The following INTS1 variants were observed in gnomAD, a reference collection of about 807,000 sequenced individuals.
The protein encoded by INTS1 is integrator complex subunit 1.
INTS1 carries 137 observed loss-of-function variants against 241.6 expected under a neutral mutation model. The observed-to-expected ratio is 0.57, with a 90% CI of 0.49 to 0.65. The LOEUF (loss-of-function observed/expected upper bound fraction) is 0.65. Among genes scored for constraint, INTS1 ranks in the 30% least tolerant of loss-of-function variants. The pLI is 0.00. For missense variants in INTS1, 3,073 were observed against 3,032.2 expected (o/e 1.01, Z -0.32); for synonymous variants, 1,692 against 1,337.8 (o/e 1.26, Z -5.78).
chr7:1,487,634 A>G, intron 19 of INTS1, 126 bp downstream of exon 19: 1 of 1,328,916 alleles, frequency 7.5e-7, no homozygotes, highest in South Asian at 1.3e-5. Context: ...ACGGGGCTCC[A>G]CAGGCCTTTC....
intron 16 of INTS1, among the ~76,000 whole-genome samples, chr7:1,490,159 G>A (rs1388643582): frequency 6.6e-6 from 1 of 152,250 alleles, no homozygotes; most frequent in Non-Finnish European, 1.5e-5. Context: ...ACACCAGAAA[G>A]CAGAGCGGGC....
At position 1,504,007 on chromosome 7, in the gene INTS1, GA is replaced by G; in HGVS notation, c.-41-7del. 1 of 1,419,950 alleles carries G rather than the reference GA, an allele frequency of 7.0e-7. No homozygotes were observed. The highest frequency in any genetic ancestry group is 9.6e-7 in the Non-Finnish European group (1 of 1,039,492). 88.0% of individuals were successfully genotyped at this position (1,419,950 alleles called of 1,614,324 possible). A position where few individuals can be genotyped will look rare whatever the true frequency, so the allele number is the denominator to read the frequency against. On this transcript the variant is annotated splice_polypyrimidine_tract_variant and splice_region_variant and intron_variant, in intron 1 of 47. Coordinates refer to ENST00000404767, the MANE Select transcript of INTS1 (RefSeq NM_001080453.3). ...CCCGGCGGCTGCGGCGTCACCTGCG[GA>G]GGAGCCAGCGTGCGGTCATTCCTTC...
intron 14 of INTS1, among the ~76,000 whole-genome samples, chr7:1,494,302 G>A (rs1304382163): frequency 6.6e-6 from 1 of 152,236 alleles, no homozygotes; most frequent in Admixed American, 6.5e-5. Context: ...AGGCCGCAGT[G>A]AAGGTGAACA....
chr7:1,503,312 A>T lies in INTS1; in HGVS notation c.59-121T>A, dbSNP rs1402658249. On this transcript the variant is annotated intron_variant, in intron 2 of 47. Coordinates refer to ENST00000404767, the MANE Select transcript of INTS1 (RefSeq NM_001080453.3). ...CAAGGGTCAGAGGAGGCAAGGAAGA[A>T]GCCAGAGCTCACTCAGCAGCCTACA... 7 of 1,069,812 alleles carry T rather than the reference A, an allele frequency of 6.5e-6. No individual in the cohort carries two copies. In the East Asian group the frequency reaches 1.8e-4, roughly 27 times the overall value. The allele number at this position is 1,069,812 out of a possible 1,614,324, so 66.3% of individuals were successfully genotyped here. A position where few individuals can be genotyped will look rare whatever the true frequency, so the allele number is the denominator to read the frequency against.
At chr7:1,502,154 C>A (rs1444137884) in intron 3 of INTS1, among the ~76,000 whole-genome samples, 1 of 152,118 alleles carries the variant, frequency 6.6e-6, no homozygotes, top group Admixed American at 6.5e-5. Context: ...CACCTCACTA[C>A]CAAAGTCATC....
In INTS1 at chr7:1,499,624, G is replaced by A. The variant is rs1368586165; in HGVS notation, c.693C>T (p.Ile231=). Residue 231 remains isoleucine, a synonymous_variant, in exon 6 of 48, where the codon ATC becomes ATT. Transcript: ENST00000404767. ...NWPEIFVKVY[I]EDSLGERIWV... ...AGATCCGCTCCCCCAGGGAGTCCTC[G>A]ATGTACACCTGTGTGGCAGCCACAC... 7 of 1,604,130 alleles carry A rather than the reference G, an allele frequency of 4.4e-6. No homozygotes were observed. The highest frequency in any genetic ancestry group is 1.1e-5 in the South Asian group (1 of 90,684).
At position 1,478,438 on chromosome 7, in the gene INTS1, T is replaced by C. The variant is rs1460970038; in HGVS notation, c.4558A>G (p.Thr1520Ala). 1.9e-6 allele frequency: 3 copies of C among 1,612,434 alleles called. No individual in the cohort carries two copies. The highest frequency in any genetic ancestry group is 4.5e-5 in the East Asian group (2 of 44,862). Reference protein sequence around the residue: ...FRQDLEVVSSTVRAVIATLRS... With the variant: ...FRQDLEVVSSAVRAVIATLRS... Reference sequence around the variant, plus strand: ...AGGGTGGCGATGACGGCACGGACGGTGGAGCTGACCACCTCCAGGTCCTGA... The same window carrying C: ...AGGGTGGCGATGACGGCACGGACGGCGGAGCTGACCACCTCCAGGTCCTGA... The change falls in exon 33 of 48, where the codon ACC becomes GCC. Residue 1520 changes from threonine to alanine, a missense_variant. Transcript: ENST00000404767.
At chr7:1,499,671 GGCA>G in intron 5 of INTS1, 39 bp from the exon 6 acceptor site, 1 of 1,562,606 alleles carries the variant, frequency 6.4e-7, no homozygotes, top group Non-Finnish European at 8.7e-7. Context: ...AGCCCAGCCG[GGCA>G]GCAGCCAGGT....
In INTS1 at chr7:1,476,218, G is replaced by T. The variant is rs1340731202; in HGVS notation, c.5378+11C>A. ...TCCCAGGCAGCATCTGGGGCCGGGG[G>T]GCCTGAGCACCTGTCTCCCCACTGC... On this transcript the variant is annotated intron_variant, in intron 38 of 47. Transcript: ENST00000404767. The T allele has an allele frequency of 1.6e-5, 24 of 1,546,246 alleles. No individual in the cohort carries two copies. In the East Asian group the frequency reaches 3.9e-4, roughly 25 times the overall value.
chr7:1,479,811 G>A, intron 30 of INTS1, 127 bp from the exon 31 acceptor site: 3 of 1,083,150 alleles, frequency 2.8e-6, no homozygotes, highest in East Asian at 2.8e-5. Flanking sequence ...TTCATTCGTA[G>A]CCCCCACCTT....
At position 1,499,088 on chromosome 7, in the gene INTS1, G is replaced by A. The variant is rs757667343; in HGVS notation, c.1024C>T (p.Pro342Ser). 8 of 1,610,030 alleles carry A rather than the reference G, an allele frequency of 5.0e-6. No homozygotes were observed. In the East Asian group the frequency reaches 1.6e-4, roughly 31 times the overall value. The change falls in exon 8 of 48, where the codon CCC becomes TCC. Residue 342 changes from proline (P) to serine (S), a missense_variant. Transcript: ENST00000404767. ...AGGTTCCTGGAGACGTTGTCGATGG[G>A]CTGGCGCCGGTTCAGCTGGTCCCGC... ...MLRDQLNRRQ[P>S]IDNVSRNLLR...
chr7:1,485,565 C>G, intron 22 of INTS1, 96 bp from the exon 23 acceptor site: 1 of 1,315,638 alleles, frequency 7.6e-7, no homozygotes, highest in Non-Finnish European at 1.0e-6. Context: ...CTCAGAGCCC[C>G]GAGGAGAATG....
chr7:1,478,628 C>A, intron 32 of INTS1, 98 bp downstream of exon 32: 1 of 1,490,204 alleles, frequency 6.7e-7, no homozygotes, highest in Non-Finnish European at 9.0e-7. Flanking sequence ...ACCCCCCAAG[C>A]CACTGCCCAG....
intron 11 of INTS1, among the ~76,000 whole-genome samples, 198 bp from the exon 12 acceptor site, chr7:1,496,462 C>T (rs541184480): frequency 6.0e-5 from 9 of 151,142 alleles, no homozygotes; most frequent in South Asian, 2.1e-4. Flanking sequence ...GGGCGCGGCA[C>T]GGGGTCTGTA....
At chr7:1,488,200 C>T (rs369382100) in intron 18 of INTS1, among the ~76,000 whole-genome samples, 3 of 152,288 alleles carry the variant, frequency 2.0e-5, no homozygotes, top group Admixed American at 6.5e-5. Flanking sequence ...GCACGCCTGC[C>T]CTCACCAGAG....
chr7:1,487,936 G>A lies in INTS1; in HGVS notation c.2340C>T (p.Cys780=), dbSNP rs781029857. 17 of 1,613,334 alleles carry A rather than the reference G, an allele frequency of 1.1e-5. No individual in the cohort carries two copies. The highest frequency in any genetic ancestry group is 8.8e-5 in the South Asian group (8 of 91,084). Residue 780 remains cysteine, a synonymous_variant, in exon 19 of 48, where the codon TGC becomes TGT. Transcript: ENST00000404767. ...TCCGGGTCTCCTCATCCGTCAGGGT[G>A]CACGGTGGGTAGGAGTAGTTGCTAG... The part of the protein sequence containing the change: ...VMTNNYSYPP[C]TLTDEETRTE...
intron 13 of INTS1, among the ~76,000 whole-genome samples, chr7:1,495,178 G>A (rs958088559): frequency 9.2e-5 from 14 of 152,220 alleles, no homozygotes; most frequent in Non-Finnish European, 2.9e-5. Context: ...CCCAACCAAG[G>A]CAGAGGCTCC....
chr7:1,484,313 G>C, intron 24 of INTS1, 143 bp from the exon 25 acceptor site: 1 of 849,740 alleles, frequency 1.2e-6, no homozygotes, highest in Non-Finnish European at 1.8e-6. Flanking sequence ...GCCGCAGGCC[G>C]CCAGGGAAGA....
rs1193946083 is a variant in INTS1 at position 1,470,681 on chromosome 7, C to T, written c.6469G>A (p.Val2157Met). The T allele has an allele frequency of 9.6e-6, 15 of 1,557,338 alleles. No individual in the cohort carries two copies. Among genetic ancestry groups the T allele is most frequent in the African/African-American group, 1.4e-5 (1 of 73,448 alleles). The change falls in exon 48 of 48, where the codon GTG becomes ATG. Residue 2157 changes from valine (V) to methionine (M), a missense_variant. By Grantham distance (21) the Val-to-Met change is conservative. Coordinates refer to ENST00000404767, the MANE Select transcript of INTS1 (RefSeq NM_001080453.3). ...YALLCQEHAA[V>M]LLHRAFLVGM... Reference sequence around the variant, plus strand: ...ACCAGGAAGGCCCGGTGGAGCAGCACAGCCGCGTGCTCTGTGGGGGAAACG... The same window carrying T: ...ACCAGGAAGGCCCGGTGGAGCAGCATAGCCGCGTGCTCTGTGGGGGAAACG...
Sources: allele counts gnomAD v4.1 joint callset (sites outside exome capture counted in the v4.1 genomes callset), GRCh38; gene constraint gnomAD v4.1.1; transcripts MANE v1.5; gene names NCBI Gene and HGNC (gene_info 2026-07-23, HGNC 2026-07-21).